Variants in MAST4 observed in about 807,000 individuals in gnomAD.
MAST4 encodes microtubule-associated serine/threonine-protein kinase 4.
In MAST4, 89 loss-of-function variants were observed where a neutral mutation model predicts 162.7. That is an observed-to-expected ratio of 0.55 (90% confidence interval 0.46 to 0.65). MAST4 has a LOEUF of 0.65. Among genes scored for constraint, MAST4 ranks in the 30% least tolerant of loss-of-function variants. MAST4 has a pLI of 0.00. For missense variants in MAST4, 3,153 were observed against 3,374.0 expected (o/e 0.93, Z 1.62); for synonymous variants, 1,479 against 1,361.1 (o/e 1.09, Z -1.91).
intron 4 of MAST4, among the ~76,000 whole-genome samples, chr5:66,921,327 G>A (rs1310539438): frequency 2.0e-5 from 3 of 152,112 alleles, no homozygotes; most frequent in Admixed American, 6.5e-5. Flanking sequence ...CATAAAGGCC[G>A]GGGACATCAC....
chr5:67,116,960 C>T (rs2053775079), intron 12 of MAST4, among the ~76,000 whole-genome samples: 1 of 152,118 alleles, frequency 6.6e-6, no homozygotes, highest in Admixed American at 6.5e-5. Context: ...AGGTTGTCAC[C>T]CTAAGCCAGC....
At chr5:66,782,052 G>T (rs1430625903) in intron 2 of MAST4, among the ~76,000 whole-genome samples, 2 of 152,266 alleles carry the variant, frequency 1.3e-5, no homozygotes, top group East Asian at 3.9e-4. Flanking sequence ...ACTTTGGGAG[G>T]CTGAGGTGGG....
chr5:66,962,448 C>T (rs1746133520), intron 4 of MAST4, among the ~76,000 whole-genome samples: 1 of 152,228 alleles, frequency 6.6e-6, no homozygotes, highest in East Asian at 1.9e-4. Flanking sequence ...TGGCTTACGC[C>T]TGTAATCCCA....
chr5:66,853,970 T>C (rs1759495759), intron 3 of MAST4, among the ~76,000 whole-genome samples: 1 of 152,182 alleles, frequency 6.6e-6, no homozygotes, highest in Non-Finnish European at 1.5e-5. Context: ...TAAAATAAGT[T>C]AGGGAAGTTG....
chr5:66,886,945 T>G (rs1052632947), intron 3 of MAST4, among the ~76,000 whole-genome samples: 2 of 152,012 alleles, frequency 1.3e-5, no homozygotes, highest in African/African-American at 4.8e-5. Context: ...AGGGGATCAT[T>G]TTGACTTTGA....
Position 67,163,602 on chromosome 5 carries a change from G to T in MAST4, c.4423G>T (p.Val1475Leu), listed in dbSNP as rs757634204. 7.5e-6 allele frequency: 12 copies of T among 1,600,366 alleles called. No homozygotes were observed. In the Admixed American group the frequency reaches 2.1e-4, roughly 28 times the overall value. The change falls in exon 29 of 29, where the codon GTG becomes TTG. Residue 1475 changes from valine to leucine, a missense_variant. Physicochemically the swap from Val to Leu is conservative, Grantham distance 32. This residue lies in a region of MAST4 where 1,644 missense variants were observed against 1,495.0 expected (regional missense o/e 1.10). Coordinates refer to ENST00000403625, the MANE Select transcript of MAST4 (RefSeq NM_001164664.2). This position sits in a 1 kb window ranked among gnomAD's most constrained non-coding sequence, Gnocchi z 7.0. ...CAGCCTGGAGGTGACCCAAGAGGAG[G>T]TGCAGCGGGAGCAGTCCCAGCGGGA... is the stretch of plus-strand genomic sequence containing the variant. ...KHSLEVTQEE[V>L]QREQSQREAP... is the part of the protein sequence containing the mutation.
chr5:66,719,583 A>G (rs1428287472), intron 1 of MAST4, among the ~76,000 whole-genome samples: 1 of 152,066 alleles, frequency 6.6e-6, no homozygotes, highest in African/African-American at 2.4e-5. Flanking sequence ...TCTGGGATAC[A>G]TGTGCTGAAC....
At chr5:66,655,450 A>G (rs1331179360) in intron 1 of MAST4, among the ~76,000 whole-genome samples, 1 of 152,198 alleles carries the variant, frequency 6.6e-6, no homozygotes, top group Non-Finnish European at 1.5e-5. Context: ...AGTTATTAGG[A>G]AGAACAGTAA....
At chr5:67,091,086 C>G (rs1204805642) in intron 6 of MAST4, among the ~76,000 whole-genome samples, 2 of 151,778 alleles carry the variant, frequency 1.3e-5, no homozygotes, top group African/African-American at 4.8e-5. Flanking sequence ...CTAACTATAT[C>G]CTAAAGTGGA....
intron 2 of MAST4, among the ~76,000 whole-genome samples, chr5:66,780,295 T>C (rs2149658328): frequency 6.6e-6 from 1 of 152,260 alleles, no homozygotes; most frequent in East Asian, 1.9e-4. Flanking sequence ...TTCTGGGTAC[T>C]TCACATAAAT....
chr5:67,093,790 T>A (rs1204338152), intron 6 of MAST4: 1 of 366,258 alleles, frequency 2.7e-6, no homozygotes, highest in Non-Finnish European at 5.6e-6. Flanking sequence ...CCTCACTCTT[T>A]CCAGAGACTA....
intron 4 of MAST4, among the ~76,000 whole-genome samples, chr5:66,976,358 C>T (rs1251233616): frequency 6.6e-6 from 1 of 152,346 alleles, no homozygotes; most frequent in Middle Eastern, 3.4e-3. Flanking sequence ...ACTGCTGCCA[C>T]CTCTGCATAT....
intron 1 of MAST4, among the ~76,000 whole-genome samples, chr5:66,715,392 T>C (rs1204845839): frequency 6.6e-6 from 1 of 152,112 alleles, no homozygotes; most frequent in Non-Finnish European, 1.5e-5. Context: ...TTTTTTGGCA[T>C]AAATCTCAGG....
At chr5:66,753,326 C>T (rs1753308956) in intron 1 of MAST4, among the ~76,000 whole-genome samples, 1 of 151,764 alleles carries the variant, frequency 6.6e-6, no homozygotes, top group African/African-American at 2.4e-5. Flanking sequence ...GAAATAGAGA[C>T]ACAAAAAACC....
At position 67,163,453 on chromosome 5, in the gene MAST4, G is replaced by A; in HGVS notation, c.4274G>A (p.Arg1425Lys). 6.2e-7 allele frequency: 1 copy of A among 1,613,520 alleles called. No individual in the cohort carries two copies. The highest frequency in any genetic ancestry group is 8.5e-7 in the Non-Finnish European group (1 of 1,179,880). ...ATGCACTCCCCGCCCACCATCGTCAGACACATCGTGAGGCCCAAGAGTGCG... is the reference window on the plus strand; with the variant it reads ...ATGCACTCCCCGCCCACCATCGTCAAACACATCGTGAGGCCCAAGAGTGCG... Reference protein sequence around the residue: ...SKMHSPPTIVRHIVRPKSAEP... With the variant: ...SKMHSPPTIVKHIVRPKSAEP... The change falls in exon 29 of 29, where the codon AGA becomes AAA. Residue 1425 changes from arginine (R) to lysine (K), a missense_variant. Physicochemically the swap from Arg to Lys is conservative, Grantham distance 26. Transcript: ENST00000403625. The surrounding 1 kb of genome is among the most constrained non-coding windows in gnomAD (Gnocchi z 7.0).
intron 1 of MAST4, among the ~76,000 whole-genome samples, chr5:66,672,196 A>C (rs1455495630): frequency 2.0e-5 from 3 of 152,222 alleles, no homozygotes; most frequent in Non-Finnish European, 4.4e-5. Flanking sequence ...TTAGCTCACC[A>C]TGTTTACCCA....
chr5:66,738,511 A>G (rs1488806778), intron 1 of MAST4, among the ~76,000 whole-genome samples: 1 of 152,190 alleles, frequency 6.6e-6, no homozygotes, highest in Non-Finnish European at 1.5e-5. Context: ...TCAGGGAGCA[A>G]AACAGACCCT....
chr5:66,946,235 C>T (rs1580971124), intron 4 of MAST4, among the ~76,000 whole-genome samples: 3 of 152,076 alleles, frequency 2.0e-5, no homozygotes, highest in Admixed American at 2.0e-4. Context: ...GGAAATAAGT[C>T]AGAGGAAGGA....
At position 67,168,987 on chromosome 5, in the gene MAST4, T is replaced by C. The variant is rs1227690541; in HGVS notation, c.*1936T>C. ...GTTTTAGCCATTCCCCATCACTATA[T>C]TGTGAAGCTGTAAAAATATATATAT... On this transcript the variant is annotated 3_prime_UTR_variant, in exon 29 of 29. Coordinates refer to ENST00000403625, the MANE Select transcript of MAST4 (RefSeq NM_001164664.2). 6.6e-6 allele frequency: 1 copy of C among 152,160 alleles called. No homozygotes were observed. The highest frequency in any genetic ancestry group is 1.9e-4 in the East Asian group (1 of 5,200). 9.4% of individuals were successfully genotyped at this position (152,160 alleles called of 1,614,324 possible). A position where few individuals can be genotyped will look rare whatever the true frequency, so the allele number is the denominator to read the frequency against.
Sources: gnomAD v4.1 joint callset for allele counts (sites outside exome capture counted in the v4.1 genomes callset) on GRCh38, gnomAD v4.1.1 for gene constraint, gnomAD v4.1.1 regional missense constraint, Gnocchi (gnomAD v3.1) non-coding constraint, MANE v1.5 for transcripts, NCBI Gene and HGNC (gene_info 2026-07-23, HGNC 2026-07-21) for gene names.